PHC3: variants seen among roughly 807,000 people sequenced by gnomAD.
PHC3 encodes the protein polyhomeotic homolog 3, also known as polyhomeotic-like protein 3.
Under a neutral mutation model 107.4 loss-of-function variants are expected in PHC3, and 13 were observed. The ratio of observed to expected loss-of-function variants is 0.12; its 90% confidence interval spans 0.08 to 0.19. PHC3 has a LOEUF of 0.19. Among genes scored for constraint, PHC3 ranks in the 10% least tolerant of loss-of-function variants. The pLI, the probability that PHC3 is intolerant of heterozygous loss-of-function variation, is 1.00. For missense variants in PHC3, 992 were observed against 1,210.9 expected (o/e 0.82, Z 2.68); for synonymous variants, 456 against 427.4 (o/e 1.07, Z -0.83).
intron 11 of PHC3, among the ~76,000 whole-genome samples, chr3:170,109,426 C>CA (rs1266842103): frequency 6.6e-6 from 1 of 152,128 alleles, no homozygotes; most frequent in African/African-American, 2.4e-5. Context: ...CTACAGATGA[C>CA]AGAGACATAA....
intron 5 of PHC3, chr3:170,148,090 G>A (rs1725296376): frequency 6.6e-6 from 1 of 152,186 alleles, no homozygotes; most frequent in African/African-American, 2.4e-5. Context: ...CCAAGATGGT[G>A]AAACCCCGTC....
intron 4 of PHC3, among the ~76,000 whole-genome samples, chr3:170,152,337 A>ATTTTTTTTTTTT (rs1220193435): frequency 2.0e-4 from 25 of 122,154 alleles, no homozygotes; most frequent in African/African-American, 5.6e-4. Context: ...CGCCTGGCTA[A>ATTTTTTTTTTTT]TTTTTTTTTT....
intron 2 of PHC3, among the ~76,000 whole-genome samples, chr3:170,175,499 A>G (rs1730282348): frequency 6.6e-6 from 1 of 152,024 alleles, no homozygotes; most frequent in African/African-American, 2.4e-5. Flanking sequence ...AGCCAAGCAT[A>G]GTCACATGTG....
chr3:170,111,356 GGGAA>G (rs1465720107), intron 11 of PHC3, among the ~76,000 whole-genome samples: 1 of 146,002 alleles, frequency 6.8e-6, no homozygotes, highest in Non-Finnish European at 1.5e-5. Context: ...GGAAAGGAAA[GGGAA>G]GGAAGGAAAA....
chr3:170,175,526 C>T (rs1485716903), intron 2 of PHC3, among the ~76,000 whole-genome samples: 2 of 151,700 alleles, frequency 1.3e-5, no homozygotes, highest in South Asian at 2.1e-4. Flanking sequence ...GTCTCAACTA[C>T]TCAGGAGGCT....
intron 12 of PHC3, among the ~76,000 whole-genome samples, chr3:170,103,420 T>C (rs1182840895): frequency 6.6e-6 from 1 of 152,230 alleles, no homozygotes; most frequent in Non-Finnish European, 1.5e-5. Flanking sequence ...TCAAATATTA[T>C]TAAAATCAAA....
chr3:170,164,538 T>C (rs1224605129), intron 4 of PHC3, among the ~76,000 whole-genome samples: 3 of 152,156 alleles, frequency 2.0e-5, no homozygotes, highest in Non-Finnish European at 2.9e-5. Context: ...GTAGACATAC[T>C]TGTCCCTATT....
chr3:170,158,970 G>C (rs151132889), intron 4 of PHC3, among the ~76,000 whole-genome samples: 1 of 151,226 alleles, frequency 6.6e-6, no homozygotes, highest in East Asian at 2.0e-4. Flanking sequence ...ATAAAATCTG[G>C]GCCGGGCGTG....
intron 11 of PHC3, among the ~76,000 whole-genome samples, chr3:170,111,859 C>T (rs765570143): frequency 2.0e-5 from 3 of 151,728 alleles, no homozygotes; most frequent in Middle Eastern, 3.4e-3. Flanking sequence ...CTTAATTTAG[C>T]GAAGTAAAGG....
intron 4 of PHC3, among the ~76,000 whole-genome samples, chr3:170,165,354 G>C (rs896157907): frequency 1.3e-5 from 2 of 152,026 alleles, no homozygotes; most frequent in Non-Finnish European, 2.9e-5. Context: ...AAACATCCAA[G>C]TTTCAATAAA....
chr3:170,122,027 C>A (rs1370669850), intron 9 of PHC3, among the ~76,000 whole-genome samples: 1 of 151,768 alleles, frequency 6.6e-6, no homozygotes, highest in African/African-American at 2.4e-5. Flanking sequence ...CCGAGGCAAG[C>A]GGATCACTTG....
rs1720582743 is a variant in PHC3 at position 170,122,709 on chromosome 3, C to T, written c.1824G>A (p.Met608Ile). 1 of 1,613,954 alleles carries T rather than the reference C, an allele frequency of 6.2e-7. No individual in the cohort carries two copies. Among genetic ancestry groups the T allele is most frequent in the African/African-American group, 1.3e-5 (1 of 75,042 alleles). Reference sequence around the variant, plus strand: ...GGACACATTCATCTGACTCTTCTGGCATTTCTTCTTCACACACATCTTCTA... The same window carrying T: ...GGACACATTCATCTGACTCTTCTGGTATTTCTTCTTCACACACATCTTCTA... ...YQVEDVCEEE[M>I]PEESDECVRM... Residue 608 changes from methionine to isoleucine, a missense_variant, in exon 9 of 15, where the codon ATG becomes ATA. Physicochemically the swap from Met to Ile is conservative, Grantham distance 10 (BLOSUM62 1). Around this residue, in one of 6 missense-constraint regions of PHC3, gnomAD observed 543 missense variants for 590.8 expected, o/e 0.92. Transcript: ENST00000495893.
chr3:170,151,252 T>A (rs1299186283), intron 4 of PHC3, among the ~76,000 whole-genome samples: 1 of 152,066 alleles, frequency 6.6e-6, no homozygotes, highest in Non-Finnish European at 1.5e-5. Flanking sequence ...AAACAGAGAA[T>A]AATATAATCC....
At chr3:170,171,792 T>C (rs1315832416) in intron 3 of PHC3, among the ~76,000 whole-genome samples, 1 of 152,220 alleles carries the variant, frequency 6.6e-6, no homozygotes, top group Non-Finnish European at 1.5e-5. Context: ...GGGTTTCAGT[T>C]TCCTAACTTG....
rs1304660112 is a variant in PHC3 at position 170,087,846 on chromosome 3, ATTTAC to A, written c.*9379_*9383del. On this transcript the variant is annotated 3_prime_UTR_variant, in exon 15 of 15. Coordinates refer to ENST00000495893, the MANE Select transcript of PHC3 (RefSeq NM_024947.4). ...CCATCAACAAACATTTAAATGCTCA[ATTTAC>A]TTCACTGAATACAGACACAACAAAT... The A allele has an allele frequency of 2.0e-5, 3 of 152,186 alleles. No homozygotes were observed. The highest frequency in any genetic ancestry group is 3.8e-4 in the East Asian group (2 of 5,200). 9.4% of individuals were successfully genotyped at this position (152,186 alleles called of 1,614,324 possible).
rs1714584197 is a variant in PHC3, at chr3:170,095,884, G to C, written c.*1346C>G. On this transcript the variant is annotated 3_prime_UTR_variant, in exon 15 of 15. Coordinates refer to ENST00000495893, the MANE Select transcript of PHC3 (RefSeq NM_024947.4). ...TACAAAATTATATCCGATGGTTCAA[G>C]AGAAATCACTTGGTAAGTGCTTTGC... The C allele has an allele frequency of 6.6e-6, 1 of 152,128 alleles. No individual in the cohort carries two copies. The highest frequency in any genetic ancestry group is 1.5e-5 in the Non-Finnish European group (1 of 68,026). 9.4% of individuals were successfully genotyped at this position (152,128 alleles called of 1,614,324 possible).
chr3:170,152,714 G>A (rs1337538808), intron 4 of PHC3, among the ~76,000 whole-genome samples: 3 of 151,422 alleles, frequency 2.0e-5, no homozygotes, highest in Admixed American at 1.3e-4. Flanking sequence ...AGGCTGGGGT[G>A]CAGTGGAGTG....
chr3:170,157,582 T>C (rs1727086829), intron 4 of PHC3, among the ~76,000 whole-genome samples: 1 of 152,132 alleles, frequency 6.6e-6, no homozygotes, highest in African/African-American at 2.4e-5. Context: ...TTAAAAACAA[T>C]GAGTTCTGAA....
intron 11 of PHC3, among the ~76,000 whole-genome samples, chr3:170,110,353 T>TAATC (rs1347390213): frequency 6.6e-6 from 1 of 152,146 alleles, no homozygotes; most frequent in East Asian, 1.9e-4. Context: ...ACTACCCCTC[T>TAATC]AATCCAACCC....
Sources: allele counts gnomAD v4.1 joint callset (sites outside exome capture counted in the v4.1 genomes callset), GRCh38; gene constraint gnomAD v4.1.1; regional missense constraint gnomAD v4.1.1; transcripts MANE v1.5; gene names NCBI Gene and HGNC (gene_info 2026-07-23, HGNC 2026-07-21).